Variants in PCDHGB7 observed in about 807,000 individuals in gnomAD.
PCDHGB7 encodes protocadherin gamma subfamily B, 7.
A neutral mutation model predicts 61.4 loss-of-function variants in PCDHGB7; 37 were observed. That is an observed-to-expected ratio of 0.60 (90% CI 0.46 to 0.79). The LOEUF (loss-of-function observed/expected upper bound fraction) is 0.79. Among genes scored for constraint, PCDHGB7 ranks in the 30% least tolerant of loss-of-function variants. The pLI, the probability that PCDHGB7 is intolerant of heterozygous loss-of-function variation, is 0.00. For synonymous variants in PCDHGB7, 464 were observed against 503.5 expected (o/e 0.92, Z 1.05); for missense variants, 1,166 against 1,202.5 (o/e 0.97, Z 0.45).
rs1476740920 is a variant in PCDHGB7, at chr5:141,443,326, A to AC, written c.2415+23052_2415+23053insC. Among the ~76,000 whole-genome samples the AC allele has an allele frequency of 3.3e-5, 5 of 151,792 alleles. No homozygotes were observed. The South Asian group carries it at 8.3e-4, about 25-fold the overall frequency. ...CAAAAACCCATCTCTACAAAAAAAA[A>AC]AAACAAAAATTAACAAGGTTTAGTG... On this transcript the variant is annotated intron_variant, in intron 1 of 3. Transcript: ENST00000398594.
At chr5:141,423,397 C>T (rs759822483) in intron 1 of PCDHGB7, 3 of 1,614,146 alleles carry the variant, frequency 1.9e-6, no homozygotes, top group East Asian at 2.2e-5. Context: ...GCATAAGTCA[C>T]GCCTGCTGCA....
chr5:141,496,772 T>C (rs994207358), intron 2 of PCDHGB7, among the ~76,000 whole-genome samples: 9 of 152,008 alleles, frequency 5.9e-5, no homozygotes, highest in African/African-American at 1.2e-4. Flanking sequence ...GCATCTACTA[T>C]GAGCAGGGCC....
intron 1 of PCDHGB7, among the ~76,000 whole-genome samples, chr5:141,444,242 G>A (rs964582042): frequency 7.5e-6 from 1 of 133,896 alleles, no homozygotes; most frequent in Non-Finnish European, 1.5e-5. Flanking sequence ...CATGCTCTCG[G>A]CTCACTGCAA....
At position 141,420,076 on chromosome 5, in the gene PCDHGB7, TCCC is replaced by T; in HGVS notation, c.2221_2223del (p.Pro741del). ...TCTGCTCCAAGTCCGGACCTGTGGGTCCCCCCAACTACAGTGAGGGAACGTTGC... is the reference window on the plus strand; with the variant it reads ...TCTGCTCCAAGTCCGGACCTGTGGGTCCCAACTACAGTGAGGGAACGTTGC... On this transcript the variant is annotated inframe_deletion, in exon 1 of 4. Coordinates refer to ENST00000398594, the MANE Select transcript of PCDHGB7 (RefSeq NM_018927.4). 1.9e-6 allele frequency: 3 copies of T among 1,613,956 alleles called. No homozygotes were observed. Among genetic ancestry groups the T allele is most frequent in the Non-Finnish European group, 2.5e-6 (3 of 1,179,878 alleles).
chr5:141,486,284 C>G lies in PCDHGB7; in HGVS notation c.2416-8523C>G, dbSNP rs1259853159. ...TGCAGAACCTGGCACTGTGGTGGCA[C>G]TTATCAGTGTGCAGGATCCAGACTC... On this transcript the variant is annotated intron_variant, in intron 1 of 3. Transcript: ENST00000398594. This position sits in a 1 kb window ranked among gnomAD's most constrained non-coding sequence, Gnocchi z 5.0. The G allele has an allele frequency of 6.2e-7, 1 of 1,614,050 alleles. No homozygotes were observed. The highest frequency in any genetic ancestry group is 8.5e-7 in the Non-Finnish European group (1 of 1,179,988).
In PCDHGB7 at chr5:141,485,269, C is replaced by T. The variant is rs760197007; in HGVS notation, c.2416-9538C>T. The T allele has an allele frequency of 6.2e-7, 1 of 1,614,090 alleles. No homozygotes were observed. Among genetic ancestry groups the T allele is most frequent in the Admixed American group, 1.7e-5 (1 of 60,028 alleles). On this transcript the variant is annotated intron_variant, in intron 1 of 3. Transcript: ENST00000398594. The surrounding 1 kb of genome is among the most constrained non-coding windows in gnomAD (Gnocchi z 5.7). ...TGGGTTACGTTTGTGGGCAGATCCG[C>T]TACCCGGTCCCAGAGGAGTCACAGG... is the stretch of plus-strand genomic sequence containing the variant.
Position 141,476,974 on chromosome 5 carries a change from C to G in PCDHGB7, c.2416-17833C>G. 1 of 1,614,268 alleles carries G rather than the reference C, an allele frequency of 6.2e-7. No homozygotes were observed. The highest frequency in any genetic ancestry group is 1.3e-5 in the African/African-American group (1 of 75,080). On this transcript the variant is annotated intron_variant, in intron 1 of 3. Coordinates refer to ENST00000398594, the MANE Select transcript of PCDHGB7 (RefSeq NM_018927.4). This position sits in a 1 kb window ranked among gnomAD's most constrained non-coding sequence, Gnocchi z 7.6. ...AAATTATTTACTCCTTCGGCAGCCA[C>G]AACCGCGCCGGCGTGCGGCAACTAT...
rs2096360351 is a variant in PCDHGB7 at position 141,419,328 on chromosome 5, C to T, written c.1469C>T (p.Ser490Phe). The T allele has an allele frequency of 6.2e-7, 1 of 1,613,954 alleles. No homozygotes were observed. ...DFGLNGRVSYSLIASDLESRT... is the reference protein window; with the variant it reads ...DFGLNGRVSYFLIASDLESRT... ...GGGCTCAACGGCCGTGTCTCCTACT[C>T]TCTCATTGCCAGCGACCTGGAGTCA... Residue 490 changes from serine (S) to phenylalanine (F), a missense_variant, in exon 1 of 4, where the codon TCT becomes TTT. By Grantham distance (155) the Ser-to-Phe change is radical. Coordinates refer to ENST00000398594, the MANE Select transcript of PCDHGB7 (RefSeq NM_018927.4).
chr5:141,505,381 C>T lies in PCDHGB7; in HGVS notation c.2475-12C>T. On this transcript the variant is annotated splice_polypyrimidine_tract_variant and intron_variant, in intron 2 of 3. Transcript: ENST00000398594. Reference sequence around the variant, plus strand: ...CTGGGAGTCTGTGCTCACCATCCTACTCTCTCCCCAGCTCCCAAAATGGCG... The same window carrying T: ...CTGGGAGTCTGTGCTCACCATCCTATTCTCTCCCCAGCTCCCAAAATGGCG... 1 of 1,614,064 alleles carries T rather than the reference C, an allele frequency of 6.2e-7. No homozygotes were observed.
At chr5:141,496,734 G>A (rs527288196) in intron 2 of PCDHGB7, among the ~76,000 whole-genome samples, 4 of 152,066 alleles carry the variant, frequency 2.6e-5, no homozygotes, top group Non-Finnish European at 4.4e-5. Flanking sequence ...GTATTCATTC[G>A]TTCATTTATT....
intron 1 of PCDHGB7, among the ~76,000 whole-genome samples, chr5:141,456,052 C>T (rs2098841739): frequency 1.3e-5 from 2 of 151,970 alleles, no homozygotes; most frequent in South Asian, 4.1e-4. Flanking sequence ...CGCCCACCAC[C>T]ACGTCCGGCT....
In PCDHGB7 at chr5:141,432,068, C is replaced by G. The variant is rs1297096209; in HGVS notation, c.2415+11794C>G. ...AACCCCGCCCCTATCCACGGAAACT[C>G]ATATCTCGCTGAACGTGGCAGACAC... On this transcript the variant is annotated intron_variant, in intron 1 of 3. Transcript: ENST00000398594. The surrounding 1 kb of genome is among the most constrained non-coding windows in gnomAD (Gnocchi z 6.0). 6.2e-7 allele frequency: 1 copy of G among 1,614,210 alleles called. No individual in the cohort carries two copies. The highest frequency in any genetic ancestry group is 1.7e-5 in the Admixed American group (1 of 60,028).
chr5:141,490,130 C>A lies in PCDHGB7; in HGVS notation c.2416-4677C>A, dbSNP rs535362535. On this transcript the variant is annotated intron_variant, in intron 1 of 3. Coordinates refer to ENST00000398594, the MANE Select transcript of PCDHGB7 (RefSeq NM_018927.4). The surrounding 1 kb of genome is among the most constrained non-coding windows in gnomAD (Gnocchi z 5.4). ...GTGCGGAACCTCTTTGGCCTAGACC[C>A]TAGCAGTGGGGCAATCCATGTGTTG... 11 of 1,614,242 alleles carry A rather than the reference C, an allele frequency of 6.8e-6. No individual in the cohort carries two copies. In the African/African-American group the frequency reaches 1.3e-4, roughly 20 times the overall value.
At chr5:141,455,159 G>GT (rs1390145608) in intron 1 of PCDHGB7, among the ~76,000 whole-genome samples, 2,419 of 144,948 alleles carry the variant, frequency 0.017, 50 homozygotes, top group African/African-American at 0.056. Context: ...TTAGTTTGTT[G>GT]GTTTTTTTTT....
At chr5:141,463,526 A>G (rs989086820) in intron 1 of PCDHGB7, among the ~76,000 whole-genome samples, 1 of 131,914 alleles carries the variant, frequency 7.6e-6, no homozygotes, top group Non-Finnish European at 1.5e-5. Flanking sequence ...TCGGCTTACT[A>G]GAAACTCCGG....
chr5:141,443,093 C>G (rs1316602934), intron 1 of PCDHGB7, among the ~76,000 whole-genome samples: 2 of 151,940 alleles, frequency 1.3e-5, no homozygotes, highest in African/African-American at 4.8e-5. Flanking sequence ...CAGTCTCCTT[C>G]TCAAGCTGAA....
Position 141,418,877 on chromosome 5 carries a change from G to T in PCDHGB7, c.1018G>T (p.Glu340Ter). Residue 340 changes from glutamate to a stop codon, truncating the protein, a stop_gained, in exon 1 of 4, where the codon GAA (glutamate) becomes TAA (stop). Coordinates refer to ENST00000398594, the MANE Select transcript of PCDHGB7 (RefSeq NM_018927.4). LOFTEE classifies it high-confidence loss of function. ...RCKVIVEVVD[E>*]NDNSPEIIIT... ...TAAAGTAATTGTAGAAGTTGTAGAC[G>T]AAAACGACAACAGCCCAGAAATAAT... 6.2e-7 allele frequency: 1 copy of T among 1,613,960 alleles called. No individual in the cohort carries two copies. The highest frequency in any genetic ancestry group is 8.5e-7 in the Non-Finnish European group (1 of 1,179,866).
intron 1 of PCDHGB7, among the ~76,000 whole-genome samples, chr5:141,437,623 T>G (rs887878119): frequency 3.3e-5 from 5 of 152,172 alleles, no homozygotes; most frequent in Non-Finnish European, 7.4e-5. Context: ...TATCCCCATA[T>G]AAGATGTCAG....
rs887814386 is a variant in PCDHGB7, at chr5:141,431,347, G to A, written c.2415+11073G>A. The A allele has an allele frequency of 1.9e-6, 3 of 1,614,098 alleles. No individual in the cohort carries two copies. The highest frequency in any genetic ancestry group is 2.5e-6 in the Non-Finnish European group (3 of 1,180,036). On this transcript the variant is annotated intron_variant, in intron 1 of 3. Coordinates refer to ENST00000398594, the MANE Select transcript of PCDHGB7 (RefSeq NM_018927.4). This position sits in a 1 kb window ranked among gnomAD's most constrained non-coding sequence, Gnocchi z 4.8. ...GTAGTAAGTACCCCGAATTGGTGCT[G>A]AAACGCGCCCTGGACCGCGAAGAAA...
Sources: allele counts gnomAD v4.1 joint callset (sites outside exome capture counted in the v4.1 genomes callset), GRCh38; gene constraint gnomAD v4.1.1; non-coding constraint Gnocchi (gnomAD v3.1); transcripts MANE v1.5; gene names NCBI Gene and HGNC (gene_info 2026-07-23, HGNC 2026-07-21).